ASIC2: variants seen among roughly 807,000 people sequenced by gnomAD.
ASIC2 encodes the protein acid sensing ion channel subunit 2, also known as acid-sensing ion channel 2.
ASIC2 carries 25 observed loss-of-function variants against 57.3 expected under a neutral mutation model. The ratio of observed to expected loss-of-function variants is 0.44; its 90% confidence interval spans 0.32 to 0.61. The LOEUF (loss-of-function observed/expected upper bound fraction) is 0.61, where lower values mean the gene tolerates loss of function less well. Ranked by LOEUF, ASIC2 falls within the 20% of genes least tolerant of loss-of-function variation. ASIC2 has a pLI of 0.06. For synonymous variants in ASIC2, 319 were observed against 307.5 expected, an observed-to-expected ratio of 1.04 and a Z score of -0.39; for missense variants, 641 against 738.1, an observed-to-expected ratio of 0.87 and a Z score of 1.52.
intron 1 of ASIC2, among the ~76,000 whole-genome samples, chr17:34,129,290 C>A (rs1370130682): frequency 6.6e-6 from 1 of 152,144 alleles, no homozygotes; most frequent in Non-Finnish European, 1.5e-5. Flanking sequence ...TATGGTGGAA[C>A]CAGCATCCAA....
chr17:33,190,051 A>G (rs1906353014), intron 1 of ASIC2, among the ~76,000 whole-genome samples: 1 of 152,196 alleles, frequency 6.6e-6, no homozygotes, highest in Non-Finnish European at 1.5e-5. Flanking sequence ...GTAAGACAAG[A>G]AAAACAAACA....
intron 1 of ASIC2, among the ~76,000 whole-genome samples, chr17:33,438,851 T>C (rs1299153239): frequency 1.2e-5 from 1 of 82,156 alleles, no homozygotes; most frequent in African/African-American, 4.3e-5. Flanking sequence ...GGGGAACCTT[T>C]TTTTTTTTTT....
At chr17:33,639,233 C>A (rs1482007927) in intron 1 of ASIC2, among the ~76,000 whole-genome samples, 1 of 151,968 alleles carries the variant, frequency 6.6e-6, no homozygotes, top group Admixed American at 6.5e-5. Context: ...TGTGTGGAAG[C>A]ACTTGGTAAA....
chr17:33,382,306 G>C (rs957506030), intron 1 of ASIC2, among the ~76,000 whole-genome samples: 1 of 152,074 alleles, frequency 6.6e-6, no homozygotes, highest in African/African-American at 2.4e-5. Flanking sequence ...CTTTTTTTCG[G>C]TTGAAAAGAA....
At chr17:33,295,719 C>A (rs2142188370), upstream of ASIC2, among the ~76,000 whole-genome samples, 1 of 152,294 alleles carries the variant, frequency 6.6e-6, no homozygotes, top group South Asian at 2.1e-4. Flanking sequence ...AACACTGTTA[C>A]CGGGGAAGAG....
chr17:33,085,888 G>A (rs1026840979), intron 3 of ASIC2, among the ~76,000 whole-genome samples: 2 of 152,108 alleles, frequency 1.3e-5, no homozygotes, highest in Admixed American at 6.5e-5. Context: ...GAGATGATGC[G>A]GAAATGCTTT....
rs1261741194 is a variant in ASIC2 at position 33,737,822 on chromosome 17, G to C, written c.555+418156C>G. ...TGAATATGCACAAAAGCCCCAATTAGACTTAAAAGTAACTTGTGAGTAGGA... is the reference window on the plus strand; with the variant it reads ...TGAATATGCACAAAAGCCCCAATTACACTTAAAAGTAACTTGTGAGTAGGA... On this transcript the variant is annotated intron_variant, in intron 1 of 9. Coordinates refer to the ASIC2 transcript ENST00000359872. 2.6e-5 allele frequency among the ~76,000 whole-genome samples: 4 copies of C among 152,244 alleles called. No individual in the cohort carries two copies. The South Asian group carries it at 8.3e-4, about 32-fold the overall frequency.
At chr17:33,062,159 C>T (rs1319078104) in intron 3 of ASIC2, among the ~76,000 whole-genome samples, 1 of 152,154 alleles carries the variant, frequency 6.6e-6, no homozygotes, top group African/African-American at 2.4e-5. Context: ...GTCTCTATCT[C>T]CTTCAGTTCT....
intron 1 of ASIC2, among the ~76,000 whole-genome samples, chr17:33,136,147 A>G (rs2092366158): frequency 6.6e-6 from 1 of 152,178 alleles, no homozygotes; most frequent in African/African-American, 2.4e-5. Flanking sequence ...GCATACATGT[A>G]CTGGGGGTGT....
At chr17:33,055,435 G>A (rs1320190603) in intron 3 of ASIC2, among the ~76,000 whole-genome samples, 1 of 152,154 alleles carries the variant, frequency 6.6e-6, no homozygotes, top group Non-Finnish European at 1.5e-5. Flanking sequence ...AGAACTTCCT[G>A]CTCCCCCGTC....
chr17:33,755,420 G>A (rs2701482), intron 1 of ASIC2, among the ~76,000 whole-genome samples: 1 of 152,014 alleles, frequency 6.6e-6, no homozygotes, highest in Non-Finnish European at 1.5e-5. Context: ...AACAGGAAAC[G>A]AATACAGCAT....
At chr17:33,864,319 G>T (rs559236885) in intron 1 of ASIC2, among the ~76,000 whole-genome samples, 1 of 152,094 alleles carries the variant, frequency 6.6e-6, no homozygotes, top group African/African-American at 2.4e-5. Context: ...GAAAAATGTC[G>T]TATAAATAAT....
At chr17:33,509,643 G>A (rs746803908) in intron 1 of ASIC2, among the ~76,000 whole-genome samples, 8 of 152,216 alleles carry the variant, frequency 5.3e-5, no homozygotes, top group African/African-American at 1.7e-4. Flanking sequence ...CTGCCAGGCC[G>A]GCAAGTCAGG....
chr17:33,042,555 T>C (rs73275813), intron 3 of ASIC2, among the ~76,000 whole-genome samples: 3,547 of 152,336 alleles, frequency 0.023, 140 homozygotes, highest in African/African-American at 0.081. Flanking sequence ...TAGAACCGTC[T>C]CATTGAATCC....
intron 1 of ASIC2, among the ~76,000 whole-genome samples, chr17:33,620,717 G>A (rs116495076): frequency 6.6e-6 from 1 of 152,186 alleles, no homozygotes; most frequent in African/African-American, 2.4e-5. Context: ...TAGAAAAGAT[G>A]ATTCTTGATG....
intron 1 of ASIC2, among the ~76,000 whole-genome samples, chr17:33,421,108 A>G (rs749389071): frequency 4.6e-5 from 7 of 152,166 alleles, no homozygotes; most frequent in Non-Finnish European, 8.8e-5. Flanking sequence ...CCTTTCTCAG[A>G]GAGAGCAGGG....
chr17:33,639,411 A>G (rs1471454313), intron 1 of ASIC2, among the ~76,000 whole-genome samples: 1 of 151,416 alleles, frequency 6.6e-6, no homozygotes, highest in African/African-American at 2.4e-5. Flanking sequence ...TGAACTTTTT[A>G]CTCTTTTTCT....
chr17:33,460,542 A>G (rs1912601648), intron 1 of ASIC2, among the ~76,000 whole-genome samples: 2 of 152,204 alleles, frequency 1.3e-5, no homozygotes, highest in African/African-American at 2.4e-5. Flanking sequence ...TGGGTTGCAA[A>G]GGGAAGTTTG....
At chr17:34,028,189 A>G (rs1457765603) in intron 1 of ASIC2, among the ~76,000 whole-genome samples, 1 of 152,116 alleles carries the variant, frequency 6.6e-6, no homozygotes, top group Non-Finnish European at 1.5e-5. Flanking sequence ...CAGCCTTAGA[A>G]GCAGAGATAT....
Sources: allele counts gnomAD v4.1 joint callset (sites outside exome capture counted in the v4.1 genomes callset), GRCh38; gene constraint gnomAD v4.1.1; transcripts MANE v1.5; gene names NCBI Gene and HGNC (gene_info 2026-07-23, HGNC 2026-07-21).